The following CDC23 variants were observed in gnomAD, a reference collection of about 807,000 sequenced individuals.
CDC23 encodes the protein cell division cycle protein 23 homolog.
In CDC23, 26 loss-of-function variants were observed where a neutral mutation model predicts 81.7. The observed-to-expected ratio is 0.32, with a 90% CI of 0.23 to 0.44. The LOEUF is 0.44. Ranked by LOEUF, CDC23 falls within the 20% of genes least tolerant of loss-of-function variation. The probability of loss-of-function intolerance (pLI) is 1.00; values close to 1 mark genes in which losing one functional copy is unlikely to be tolerated. For missense variants in CDC23, 519 were observed against 728.0 expected (o/e 0.71, Z 3.30); for synonymous variants, 267 against 270.8 (o/e 0.99, Z 0.14).
rs1561632165 is a variant in CDC23 at position 138,189,113 on chromosome 5, G to T, written c.1659C>A (p.Ile553=). Residue 553 remains isoleucine, a synonymous_variant, in exon 16 of 16, where the codon ATC becomes ATA. Transcript: ENST00000394886. ...TCTCGCCTTGGTTCCGAAGCTGTAG[G>T]ATTTGCCGGAGTAAGGCCTTACCTT... ...REEGKALLRQ[I]LQLRNQGETP... 1 of 1,614,110 alleles carries T rather than the reference G, an allele frequency of 6.2e-7. No individual in the cohort carries two copies. The highest frequency in any genetic ancestry group is 2.2e-5 in the East Asian group (1 of 44,882).
At chr5:138,199,348 A>G (rs1180145394) in intron 6 of CDC23, among the ~76,000 whole-genome samples, 2 of 152,218 alleles carry the variant, frequency 1.3e-5, no homozygotes. Flanking sequence ...CTGCAACCCC[A>G]GCACTTTGGG....
chr5:138,200,171 G>A (rs1440144262), intron 6 of CDC23, among the ~76,000 whole-genome samples: 1 of 152,020 alleles, frequency 6.6e-6, no homozygotes, highest in East Asian at 1.9e-4. Context: ...TCGCTCTTTC[G>A]CCCAGGCTAG....
chr5:138,192,503 C>T lies in CDC23; in HGVS notation c.1166+1G>A. 6.2e-7 allele frequency: 1 copy of T among 1,613,916 alleles called. No homozygotes were observed. Among genetic ancestry groups the T allele is most frequent in the Non-Finnish European group, 8.5e-7 (1 of 1,179,896 alleles). Reference sequence around the variant, plus strand: ...CTACCTCACCACCTATAGATAATCACCTATAAGCCTGGATAGCAGCAGACG... The same window carrying T: ...CTACCTCACCACCTATAGATAATCATCTATAAGCCTGGATAGCAGCAGACG... On this transcript the variant is annotated splice_donor_variant, in intron 10 of 15. Transcript: ENST00000394886. LOFTEE classifies it high-confidence loss of function.
Position 138,212,983 on chromosome 5 carries a change from G to A in CDC23, c.234+8C>T. On this transcript the variant is annotated splice_region_variant and intron_variant, in intron 2 of 15. Coordinates refer to ENST00000394886, the MANE Select transcript of CDC23 (RefSeq NM_004661.4). ...GATGGGGAGCGCTCACTGTAAACATGTCCTTACCTCTGTAATAGGCGGAGG... is the reference window on the plus strand; with the variant it reads ...GATGGGGAGCGCTCACTGTAAACATATCCTTACCTCTGTAATAGGCGGAGG... 1 of 1,612,918 alleles carries A rather than the reference G, an allele frequency of 6.2e-7. No individual in the cohort carries two copies.
chr5:138,209,385 G>A (rs1184613684), intron 2 of CDC23, among the ~76,000 whole-genome samples: 3 of 150,794 alleles, frequency 2.0e-5, no homozygotes, highest in African/African-American at 7.3e-5. Context: ...TGGAGATCAT[G>A]CCATTGCACT....
intron 2 of CDC23, among the ~76,000 whole-genome samples, chr5:138,210,850 A>T (rs11959165): frequency 6.6e-6 from 1 of 152,206 alleles, no homozygotes; most frequent in Non-Finnish European, 1.5e-5. Flanking sequence ...CTTCTCAATA[A>T]ATATGCTTTA....
intron 3 of CDC23, among the ~76,000 whole-genome samples, chr5:138,203,916 TA>T (rs1015981761): frequency 2.1e-5 from 3 of 145,340 alleles, no homozygotes; most frequent in South Asian, 2.2e-4. Flanking sequence ...CCATCTCAAA[TA>T]AAAAAAAAAT....
chr5:138,201,088 A>G lies in CDC23; in HGVS notation c.654+19T>C, dbSNP rs1373312244. ...AGGCTTGAAGCAGAGGGTTTTTCAC[A>G]TAGCTCATCACAATTTACCATCTCT... On this transcript the variant is annotated intron_variant, in intron 6 of 15. Transcript: ENST00000394886. The G allele has an allele frequency of 1.9e-6, 3 of 1,610,766 alleles. No individual in the cohort carries two copies. The highest frequency in any genetic ancestry group is 2.5e-6 in the Non-Finnish European group (3 of 1,179,282).
At chr5:138,193,310 CCCAG>C (rs537537392) in intron 9 of CDC23, among the ~76,000 whole-genome samples, 8 of 152,202 alleles carry the variant, frequency 5.3e-5, no homozygotes, top group African/African-American at 1.9e-4. Flanking sequence ...TAAAGAGGTA[CCCAG>C]GCTGGGCATG....
chr5:138,195,954 G>A (rs17228463), intron 9 of CDC23, among the ~76,000 whole-genome samples: 1,845 of 150,336 alleles, frequency 0.012, 39 homozygotes, highest in African/African-American at 0.042. Context: ...ACAAGTAGGA[G>A]ATTCTTGCCA....
At chr5:138,202,324 C>T (rs1311331763) in intron 3 of CDC23, among the ~76,000 whole-genome samples, 169 bp from the exon 4 acceptor site, 1 of 152,092 alleles carries the variant, frequency 6.6e-6, no homozygotes, top group African/African-American at 2.4e-5. Flanking sequence ...TGCTTTGTTG[C>T]CCAGGCTGGA....
chr5:138,192,811 C>G (rs904807120), intron 9 of CDC23, among the ~76,000 whole-genome samples, 154 bp from the exon 10 acceptor site: 2 of 152,064 alleles, frequency 1.3e-5, no homozygotes, highest in Non-Finnish European at 2.9e-5. Context: ...GGGAAATATT[C>G]CCTTGGGAAA....
At position 138,192,557 on chromosome 5, in the gene CDC23, C is replaced by T; in HGVS notation, c.1113G>A (p.Met371Ile). 2.5e-6 allele frequency: 4 copies of T among 1,614,160 alleles called. No individual in the cohort carries two copies. Among genetic ancestry groups the T allele is most frequent in the Non-Finnish European group, 3.4e-6 (4 of 1,180,038 alleles). The change falls in exon 10 of 16, where the codon ATG becomes ATA. Residue 371 changes from methionine to isoleucine, a missense_variant. Coordinates refer to ENST00000394886, the MANE Select transcript of CDC23 (RefSeq NM_004661.4). ...TCTTCATCTCCATGTACTCATGTCCCATTAGTGTCCAGGCACCAAGATACC... is the reference window on the plus strand; with the variant it reads ...TCTTCATCTCCATGTACTCATGTCCTATTAGTGTCCAGGCACCAAGATACC... ...NPRYLGAWTL[M>I]GHEYMEMKNT...
At chr5:138,210,132 C>T (rs1179697247) in intron 2 of CDC23, among the ~76,000 whole-genome samples, 1 of 151,126 alleles carries the variant, frequency 6.6e-6, no homozygotes, top group Non-Finnish European at 1.5e-5. Flanking sequence ...AGGAGAATTG[C>T]TTGAACCTGG....
In CDC23 at chr5:138,188,852, A is replaced by T; in HGVS notation, c.*126T>A. 1.2e-6 allele frequency: 1 copy of T among 825,402 alleles called. No individual in the cohort carries two copies. The highest frequency in any genetic ancestry group is 2.0e-5 in the South Asian group (1 of 49,276). The allele number at this position is 825,402 out of a possible 1,614,324, so 51.1% of individuals were successfully genotyped here. ...GAAGGTAATTATACAAGCTGTCCCTATGGAGCTGTTGCCATCTGTAGAAAC... is the reference window on the plus strand; with the variant it reads ...GAAGGTAATTATACAAGCTGTCCCTTTGGAGCTGTTGCCATCTGTAGAAAC... On this transcript the variant is annotated 3_prime_UTR_variant, in exon 16 of 16. Coordinates refer to ENST00000394886, the MANE Select transcript of CDC23 (RefSeq NM_004661.4).
intron 12 of CDC23, 143 bp downstream of exon 12, chr5:138,191,719 G>T: frequency 2.2e-6 from 2 of 920,746 alleles, no homozygotes; most frequent in Non-Finnish European, 3.5e-6. Flanking sequence ...GCCCAGCTTT[G>T]CTTTCAGACT....
intron 2 of CDC23, among the ~76,000 whole-genome samples, chr5:138,209,513 G>A (rs889376709): frequency 6.6e-6 from 1 of 151,702 alleles, no homozygotes; most frequent in African/African-American, 2.4e-5. Flanking sequence ...TGCTTCTTTG[G>A]TAATGTTTAT....
At position 138,195,568 on chromosome 5, in the gene CDC23, TTATA is replaced by T. The variant is rs1372566917; in HGVS notation, c.1012+2627_1012+2630del. The stretch of plus-strand genomic sequence containing the variant: ...TATAATATAATTATATATAATATAT[TTATA>T]TATAATATATTATATATAATATATA... On this transcript the variant is annotated intron_variant, in intron 9 of 15. Coordinates refer to ENST00000394886, the MANE Select transcript of CDC23 (RefSeq NM_004661.4). 4.4e-5 allele frequency among the ~76,000 whole-genome samples: 4 copies of T among 90,554 alleles called. No homozygotes were observed. The East Asian group carries it at 1.4e-3, about 33-fold the overall frequency. 59.4% of individuals were successfully genotyped at this position (90,554 alleles called of 152,430 possible).
At chr5:138,190,002 T>G (rs1754808484) in intron 13 of CDC23, 96 bp from the exon 14 acceptor site, 2 of 911,278 alleles carry the variant, frequency 2.2e-6, no homozygotes, top group Non-Finnish European at 3.6e-6. Flanking sequence ...AAACAATACA[T>G]AGGTAAGTAT....
Sources: allele counts gnomAD v4.1 joint callset (sites outside exome capture counted in the v4.1 genomes callset), GRCh38; gene constraint gnomAD v4.1.1; transcripts MANE v1.5; gene names NCBI Gene and HGNC (gene_info 2026-07-23, HGNC 2026-07-21).